Variants in HTR7 observed in about 807,000 individuals in gnomAD.
HTR7 encodes the protein 5-hydroxytryptamine receptor 7, also known as 5-HT-7.
In HTR7, 16 loss-of-function variants were observed where a neutral mutation model predicts 34.0. The ratio of observed to expected loss-of-function variants is 0.47; its 90% confidence interval spans 0.32 to 0.71. HTR7 has a LOEUF of 0.71. Ranked by LOEUF, HTR7 falls within the 30% of genes least tolerant of loss-of-function variation. The pLI, the probability that HTR7 is intolerant of heterozygous loss-of-function variation, is 0.04. For missense variants in HTR7, 504 were observed against 625.5 expected (o/e 0.81, Z 2.07); for synonymous variants, 265 against 260.2 (o/e 1.02, Z -0.18).
chr10:90,842,909 C>G (rs78622249), intron 1 of HTR7, among the ~76,000 whole-genome samples: 9,501 of 152,218 alleles, frequency 0.062, 370 homozygotes, highest in African/African-American at 0.1. Context: ...ACTATGTTCT[C>G]ATGAGGCCAT....
chr10:90,787,269 C>A (rs773551164), intron 1 of HTR7, among the ~76,000 whole-genome samples: 6 of 152,126 alleles, frequency 3.9e-5, no homozygotes, highest in Non-Finnish European at 7.4e-5. Flanking sequence ...GTGGGTGGAT[C>A]ACAAGGTCAG....
intron 1 of HTR7, among the ~76,000 whole-genome samples, chr10:90,835,402 T>C (rs1846239385): frequency 6.6e-6 from 1 of 152,132 alleles, no homozygotes; most frequent in Non-Finnish European, 1.5e-5. Context: ...GAACAAATGG[T>C]CCTGGCAGCT....
Position 90,846,424 on chromosome 10 carries a change from A to T in HTR7, c.539+10709T>A, listed in dbSNP as rs1483564694. On this transcript the variant is annotated intron_variant, in intron 1 of 3. Transcript: ENST00000336152. ...AGCAGTTGAGATTAAGTTCAGCTGCATGTGATAAACAACATAATGGTATTA... is the reference window on the plus strand; with the variant it reads ...AGCAGTTGAGATTAAGTTCAGCTGCTTGTGATAAACAACATAATGGTATTA... Among the ~76,000 whole-genome samples the T allele has an allele frequency of 6.6e-5, 10 of 152,338 alleles. 1 individual carries two copies. In the South Asian group the frequency reaches 1.7e-3, roughly 25 times the overall value.
intron 2 of HTR7, among the ~76,000 whole-genome samples, chr10:90,745,429 T>A (rs1457417671): frequency 6.6e-6 from 1 of 152,174 alleles, no homozygotes; most frequent in South Asian, 2.1e-4. Flanking sequence ...AATCCACATT[T>A]TCATAGTATT....
At chr10:90,831,997 G>T (rs1846186702) in intron 1 of HTR7, among the ~76,000 whole-genome samples, 1 of 152,204 alleles carries the variant, frequency 6.6e-6, no homozygotes, top group African/African-American at 2.4e-5. Context: ...GTGCTGATTG[G>T]TGTGTTTACA....
chr10:90,846,047 A>T (rs978430464), intron 1 of HTR7, among the ~76,000 whole-genome samples: 12 of 152,248 alleles, frequency 7.9e-5, no homozygotes, highest in Non-Finnish European at 1.3e-4. Flanking sequence ...GGTGACAGGG[A>T]GAAGAAATGT....
rs1357846781 is a variant in HTR7, at chr10:90,814,410, C to T, written c.539+42723G>A. Among the ~76,000 whole-genome samples, 10 of 152,248 alleles carry T rather than the reference C, an allele frequency of 6.6e-5. No homozygotes were observed. The East Asian group carries it at 1.2e-3, about 18-fold the overall frequency. ...ATGTAATGCTACTCCTACTGTTGTC[C>T]AGAACAACACGAGAAGCCGTAGCAA... On this transcript the variant is annotated intron_variant, in intron 1 of 3. Transcript: ENST00000336152.
chr10:90,841,445 C>T (rs927354889), intron 1 of HTR7, among the ~76,000 whole-genome samples: 1 of 152,154 alleles, frequency 6.6e-6, no homozygotes, highest in East Asian at 1.9e-4. Context: ...TGTCTACAGG[C>T]TGTGTTCCTT....
chr10:90,751,131 C>T (rs1345031185), intron 1 of HTR7, among the ~76,000 whole-genome samples: 3 of 152,112 alleles, frequency 2.0e-5, no homozygotes, highest in African/African-American at 4.8e-5. Context: ...ATAAAGCTGA[C>T]CTACAAGCAC....
chr10:90,836,519 T>G (rs775441431), intron 1 of HTR7, among the ~76,000 whole-genome samples: 2 of 152,072 alleles, frequency 1.3e-5, no homozygotes, highest in Non-Finnish European at 2.9e-5. Context: ...ATTAAAATTT[T>G]TTTAAAATTT....
intron 1 of HTR7, among the ~76,000 whole-genome samples, chr10:90,758,494 AAGG>A (rs1385814682): frequency 6.6e-6 from 1 of 152,164 alleles, no homozygotes; most frequent in Non-Finnish European, 1.5e-5. Context: ...GGTGACAGGT[AAGG>A]AGAACACACA....
At chr10:90,776,425 T>G (rs1845211635) in intron 1 of HTR7, among the ~76,000 whole-genome samples, 1 of 152,230 alleles carries the variant, frequency 6.6e-6, no homozygotes, top group South Asian at 2.1e-4. Context: ...TCACAGATAT[T>G]TATTTGAGAA....
intron 1 of HTR7, among the ~76,000 whole-genome samples, chr10:90,824,711 G>A (rs970848671): frequency 6.6e-6 from 1 of 152,242 alleles, no homozygotes. Flanking sequence ...TGGGCCTTAA[G>A]TGAACATCAG....
At chr10:90,786,894 C>T (rs1333115371) in intron 1 of HTR7, among the ~76,000 whole-genome samples, 1 of 152,228 alleles carries the variant, frequency 6.6e-6, no homozygotes, top group African/African-American at 2.4e-5. Context: ...ACGCCTTCCT[C>T]TCTGGCACAA....
intron 1 of HTR7, among the ~76,000 whole-genome samples, chr10:90,831,401 T>C (rs1846173315): frequency 6.6e-6 from 1 of 152,116 alleles, no homozygotes; most frequent in Non-Finnish European, 1.5e-5. Flanking sequence ...CTGGAGTTGT[T>C]TGTTCCTCCC....
At chr10:90,816,556 C>T (rs902659333) in intron 1 of HTR7, among the ~76,000 whole-genome samples, 2 of 152,212 alleles carry the variant, frequency 1.3e-5, no homozygotes, top group Non-Finnish European at 2.9e-5. Flanking sequence ...AGTTAGCTCT[C>T]TCATGGAATA....
chr10:90,771,133 C>T (rs1419272759), intron 1 of HTR7, among the ~76,000 whole-genome samples: 1 of 152,128 alleles, frequency 6.6e-6, no homozygotes, highest in Non-Finnish European at 1.5e-5. Context: ...GAGCCAAACA[C>T]TTGTTGGGAA....
chr10:90,806,957 A>G (rs1168252221), intron 1 of HTR7, among the ~76,000 whole-genome samples: 1 of 152,202 alleles, frequency 6.6e-6, no homozygotes, highest in African/African-American at 2.4e-5. Context: ...GAAGGTAGCT[A>G]ATGTGAGGGA....
intron 1 of HTR7, among the ~76,000 whole-genome samples, chr10:90,841,800 GAC>G (rs1210560134): frequency 6.6e-6 from 1 of 152,096 alleles, no homozygotes; most frequent in African/African-American, 2.4e-5. Flanking sequence ...AGGAGCTCAA[GAC>G]CAGCCTGGCC....
Sources: gnomAD v4.1 joint callset for allele counts (sites outside exome capture counted in the v4.1 genomes callset) on GRCh38, gnomAD v4.1.1 for gene constraint, MANE v1.5 for transcripts, NCBI Gene and HGNC (gene_info 2026-07-23, HGNC 2026-07-21) for gene names.